Variants in TDRD3 observed in about 807,000 individuals in gnomAD.
TDRD3 encodes the protein tudor domain containing 3, also known as tudor domain-containing protein 3.
In TDRD3, 45 loss-of-function variants were observed where a neutral mutation model predicts 86.7. That is an observed-to-expected ratio of 0.52 (90% confidence interval 0.41 to 0.67). TDRD3 has a LOEUF of 0.67. Ranked by LOEUF, TDRD3 falls within the 30% of genes least tolerant of loss-of-function variation. The pLI is 0.00. For synonymous variants in TDRD3, 298 were observed against 301.7 expected (o/e 0.99, Z 0.13); for missense variants, 814 against 889.0 (o/e 0.92, Z 1.07).
chr13:60,432,401 A>T (rs1164660652), intron 1 of TDRD3, among the ~76,000 whole-genome samples: 2 of 152,160 alleles, frequency 1.3e-5, no homozygotes, highest in Non-Finnish European at 2.9e-5. Context: ...GTTATTCATT[A>T]TGGCAAAATA....
chr13:60,423,737 T>C (rs1954722235), intron 1 of TDRD3, among the ~76,000 whole-genome samples: 1 of 152,112 alleles, frequency 6.6e-6, no homozygotes, highest in Non-Finnish European at 1.5e-5. Flanking sequence ...TATTTAATTG[T>C]AAAAAAATGT....
At chr13:60,433,865 C>T (rs1037328638) in intron 1 of TDRD3, among the ~76,000 whole-genome samples, 2 of 152,140 alleles carry the variant, frequency 1.3e-5, no homozygotes, top group Admixed American at 6.6e-5. Context: ...TTAGATTCAC[C>T]GATTTTACCT....
chr13:60,410,165 G>C (rs1184886497), intron 1 of TDRD3, among the ~76,000 whole-genome samples: 1 of 152,182 alleles, frequency 6.6e-6, no homozygotes, highest in African/African-American at 2.4e-5. Context: ...ATGTGGAACT[G>C]TAAGTCCTGT....
intron 3 of TDRD3, among the ~76,000 whole-genome samples, chr13:60,454,031 C>T (rs1210368008): frequency 6.6e-6 from 1 of 151,802 alleles, no homozygotes; most frequent in Non-Finnish European, 1.5e-5. Flanking sequence ...ACTTTATATT[C>T]AGGTATAAAG....
At chr13:60,510,218 C>CT (rs1957027477) in intron 9 of TDRD3, among the ~76,000 whole-genome samples, 1 of 152,128 alleles carries the variant, frequency 6.6e-6, no homozygotes, top group Non-Finnish European at 1.5e-5. Flanking sequence ...TCTATTATTT[C>CT]TAGAACTCTG....
rs113413705 is a variant in TDRD3 at position 60,494,705 on chromosome 13, A to G, written c.858+130A>G. ...GATGTTATAACTCTTGAAGGCTTTCATTAAGGATTACAATTAAATCATTAA... is the reference window on the plus strand; with the variant it reads ...GATGTTATAACTCTTGAAGGCTTTCGTTAAGGATTACAATTAAATCATTAA... On this transcript the variant is annotated intron_variant, in intron 8 of 13. Transcript: ENST00000377881. 9.1e-5 allele frequency: 66 copies of G among 726,256 alleles called. 2 individuals are homozygous for G. In the African/African-American group the frequency reaches 1.1e-3, roughly 12 times the overall value. 45.0% of individuals were successfully genotyped at this position (726,256 alleles called of 1,614,324 possible).
intron 5 of TDRD3, among the ~76,000 whole-genome samples, chr13:60,475,812 CAT>C (rs1386271535): frequency 6.6e-6 from 1 of 151,972 alleles, no homozygotes; most frequent in Non-Finnish European, 1.5e-5. Flanking sequence ...GCATTTTTTT[CAT>C]ATGTTTGTTG....
At chr13:60,499,546 C>A (rs916094802) in intron 8 of TDRD3, among the ~76,000 whole-genome samples, 3 of 152,250 alleles carry the variant, frequency 2.0e-5, no homozygotes, top group Non-Finnish European at 4.4e-5. Context: ...CTTTTCACTT[C>A]TGCAAGATAT....
chr13:60,456,781 C>T (rs1448229788), intron 3 of TDRD3, among the ~76,000 whole-genome samples: 2 of 152,020 alleles, frequency 1.3e-5, no homozygotes, highest in East Asian at 3.9e-4. Flanking sequence ...CTGTAGCCTC[C>T]ACCTCCCAGG....
At chr13:60,569,865 C>T (rs1018793335) in intron 13 of TDRD3, among the ~76,000 whole-genome samples, 3 of 151,982 alleles carry the variant, frequency 2.0e-5, no homozygotes, top group Admixed American at 1.3e-4. Flanking sequence ...ACTGGATATC[C>T]GTATATGGAT....
At chr13:60,421,548 A>G (rs1954659913) in intron 1 of TDRD3, among the ~76,000 whole-genome samples, 1 of 152,204 alleles carries the variant, frequency 6.6e-6, no homozygotes, top group South Asian at 2.1e-4. Flanking sequence ...AGAAAATCCT[A>G]CTAGGACTTA....
chr13:60,535,282 T>G (rs779778526), intron 12 of TDRD3, 49 bp downstream of exon 12: 2 of 1,543,942 alleles, frequency 1.3e-6, no homozygotes, highest in Non-Finnish European at 1.7e-6. Flanking sequence ...TTGAAGAAAA[T>G]ATATAGCTCT....
At chr13:60,547,750 GTC>G (rs1484040262) in intron 12 of TDRD3, among the ~76,000 whole-genome samples, 1 of 152,052 alleles carries the variant, frequency 6.6e-6, no homozygotes, top group African/African-American at 2.4e-5. Context: ...TCTATCCTCT[GTC>G]TGATAAACAG....
chr13:60,486,021 G>A, intron 7 of TDRD3, 73 bp downstream of exon 7: 1 of 1,419,250 alleles, frequency 7.0e-7, no homozygotes, highest in Non-Finnish European at 9.3e-7. Flanking sequence ...GATCGTTATT[G>A]TCTTTTCATA....
intron 11 of TDRD3, among the ~76,000 whole-genome samples, chr13:60,530,501 CATG>C (rs1414626322): frequency 6.6e-6 from 1 of 151,950 alleles, no homozygotes; most frequent in Non-Finnish European, 1.5e-5. Context: ...AGTGCAATGG[CATG>C]ATGTCAGCTC....
At chr13:60,560,466 G>A (rs1958306851) in intron 12 of TDRD3, among the ~76,000 whole-genome samples, 1 of 152,172 alleles carries the variant, frequency 6.6e-6, no homozygotes, top group Non-Finnish European at 1.5e-5. Flanking sequence ...ATTAAAATAT[G>A]GATGCAGCTT....
intron 1 of TDRD3, among the ~76,000 whole-genome samples, chr13:60,410,157 G>A (rs1954326991): frequency 1.3e-5 from 2 of 152,298 alleles, no homozygotes; most frequent in East Asian, 1.9e-4. Context: ...CCCCAGCCAT[G>A]TGGAACTGTA....
chr13:60,564,547 C>G (rs1958406269), intron 12 of TDRD3, among the ~76,000 whole-genome samples: 1 of 152,090 alleles, frequency 6.6e-6, no homozygotes, highest in African/African-American at 2.4e-5. Context: ...GAAAATGGCC[C>G]TGGTTTGGAC....
chr13:60,441,180 A>G (rs1403446663), intron 2 of TDRD3, among the ~76,000 whole-genome samples: 1 of 152,184 alleles, frequency 6.6e-6, no homozygotes, highest in African/African-American at 2.4e-5. Context: ...TTGCACTGAA[A>G]TTAGTTAATT....
Sources: allele counts gnomAD v4.1 joint callset (sites outside exome capture counted in the v4.1 genomes callset), GRCh38; gene constraint gnomAD v4.1.1; transcripts MANE v1.5; gene names NCBI Gene and HGNC (gene_info 2026-07-23, HGNC 2026-07-21).